Variants in SCAF8 observed in about 807,000 individuals in gnomAD.
SCAF8 encodes SR-related CTD associated factor 8.
SCAF8 carries 23 observed loss-of-function variants against 140.5 expected under a neutral mutation model. The ratio of observed to expected loss-of-function variants is 0.16; its 90% confidence interval spans 0.12 to 0.23. SCAF8 has a LOEUF of 0.23. Among genes scored for constraint, SCAF8 ranks in the 10% least tolerant of loss-of-function variants. SCAF8 has a pLI of 1.00. For synonymous variants in SCAF8, 575 were observed against 528.9 expected (o/e 1.09, Z -1.20); for missense variants, 1,397 against 1,555.7 (o/e 0.90, Z 1.72).
intron 3 of SCAF8, among the ~76,000 whole-genome samples, chr6:154,783,298 C>A (rs72993434): frequency 0.017 from 2,547 of 152,180 alleles, 27 homozygotes; most frequent in Non-Finnish European, 0.023. Flanking sequence ...CGAATATTAT[C>A]ATTCAGAACT....
chr6:154,787,066 T>A (rs952780231), intron 3 of SCAF8, among the ~76,000 whole-genome samples: 8 of 152,146 alleles, frequency 5.3e-5, no homozygotes, highest in Non-Finnish European at 1.0e-4. Context: ...GTTGAGAAAG[T>A]AGGGGAGGCA....
chr6:154,784,150 T>C (rs1562444210), intron 3 of SCAF8, among the ~76,000 whole-genome samples: 1 of 125,628 alleles, frequency 8.0e-6, no homozygotes, highest in Non-Finnish European at 1.7e-5. Context: ...TATATATATA[T>C]ATATATATTT....
chr6:154,753,351 C>A (rs1378320777), intron 1 of SCAF8, among the ~76,000 whole-genome samples: 1 of 152,156 alleles, frequency 6.6e-6, no homozygotes, highest in East Asian at 1.9e-4. Flanking sequence ...CCTGTAATCC[C>A]AGTTACTCGG....
At chr6:154,774,452 A>G (rs949644948) in intron 2 of SCAF8, among the ~76,000 whole-genome samples, 1 of 152,072 alleles carries the variant, frequency 6.6e-6, no homozygotes, top group African/African-American at 2.4e-5. Flanking sequence ...TGAAGCAGTC[A>G]TTTTTCCTCA....
chr6:154,797,222 C>G (rs1777633770), intron 6 of SCAF8, among the ~76,000 whole-genome samples: 2 of 151,108 alleles, frequency 1.3e-5, no homozygotes, highest in South Asian at 4.2e-4. Context: ...GTTTTTTGCT[C>G]TAAATTTAGG....
At chr6:154,769,896 C>T (rs924029915) in intron 1 of SCAF8, among the ~76,000 whole-genome samples, 1 of 152,102 alleles carries the variant, frequency 6.6e-6, no homozygotes, top group Non-Finnish European at 1.5e-5. Flanking sequence ...ACCTTATTCT[C>T]CAGTACGAGA....
intron 14 of SCAF8, among the ~76,000 whole-genome samples, chr6:154,819,146 T>A (rs912851297): frequency 6.6e-6 from 1 of 152,192 alleles, no homozygotes; most frequent in Non-Finnish European, 1.5e-5. Flanking sequence ...TTATTTGAAG[T>A]TTATTTATCT....
At chr6:154,762,448 G>A (rs1216566612) in intron 1 of SCAF8, among the ~76,000 whole-genome samples, 2 of 152,094 alleles carry the variant, frequency 1.3e-5, no homozygotes, top group Non-Finnish European at 2.9e-5. Flanking sequence ...TCATGTCCTA[G>A]TAGCCATTGG....
intron 1 of SCAF8, among the ~76,000 whole-genome samples, chr6:154,772,556 G>A (rs1247085727): frequency 1.3e-5 from 2 of 152,204 alleles, no homozygotes; most frequent in South Asian, 2.1e-4. Flanking sequence ...CCATGTGGTG[G>A]CGTGTGCCTG....
At chr6:154,789,034 G>A (rs1405317874) in intron 4 of SCAF8, among the ~76,000 whole-genome samples, 1 of 152,146 alleles carries the variant, frequency 6.6e-6, no homozygotes, top group African/African-American at 2.4e-5. Flanking sequence ...ACAAGATTAA[G>A]TAGTTATTTT....
chr6:154,772,324 G>T (rs7752180), intron 1 of SCAF8, among the ~76,000 whole-genome samples: 75,409 of 152,032 alleles, frequency 0.5, 19,439 homozygotes, highest in East Asian at 0.9. Flanking sequence ...ATCAGTAATT[G>T]TCTGTTGCCT....
intron 17 of SCAF8, among the ~76,000 whole-genome samples, chr6:154,825,864 G>T (rs983579911): frequency 2.0e-5 from 3 of 151,962 alleles, no homozygotes; most frequent in Non-Finnish European, 4.4e-5. Context: ...ATATTGATGA[G>T]ATACGCATTT....
intron 14 of SCAF8, among the ~76,000 whole-genome samples, chr6:154,819,520 A>C (rs1303418403): frequency 1.3e-5 from 2 of 152,174 alleles, no homozygotes; most frequent in Admixed American, 6.5e-5. Context: ...GAGCCCATGA[A>C]GTCAAGGCTG....
rs796424209 is a variant in SCAF8, at chr6:154,819,730, A to T, written c.1636-447A>T. 9.8e-5 allele frequency among the ~76,000 whole-genome samples: 15 copies of T among 152,352 alleles called. 1 individual carries two copies. The South Asian group carries it at 3.1e-3, about 32-fold the overall frequency. On this transcript the variant is annotated intron_variant, in intron 14 of 19. Transcript: ENST00000367178. ...GAAGTGGAAATCCTTTATTGTAAAT[A>T]CTATGTCTAATGTAAGTTTTATTTT...
At chr6:154,826,783 CATAAT>C (rs1338479704) in intron 17 of SCAF8, among the ~76,000 whole-genome samples, 4 of 152,066 alleles carry the variant, frequency 2.6e-5, no homozygotes, top group African/African-American at 4.8e-5. Context: ...GTGCTTAAAA[CATAAT>C]ATAGTGTTAT....
At chr6:154,743,974 C>T (rs2114796190) in intron 1 of SCAF8, among the ~76,000 whole-genome samples, 1 of 152,282 alleles carries the variant, frequency 6.6e-6, no homozygotes, top group Middle Eastern at 3.4e-3. Context: ...TTTTGAAGTA[C>T]TTTTAATTTA....
chr6:154,770,292 A>G (rs940364569), intron 1 of SCAF8, among the ~76,000 whole-genome samples: 1 of 151,892 alleles, frequency 6.6e-6, no homozygotes. Flanking sequence ...CGTCTTTACA[A>G]AAAAAGAAAA....
intron 4 of SCAF8, among the ~76,000 whole-genome samples, chr6:154,789,687 A>T (rs966084556): frequency 2.6e-5 from 4 of 151,802 alleles, no homozygotes; most frequent in Non-Finnish European, 4.4e-5. Flanking sequence ...CTGGGACTAC[A>T]GGCTTATGCC....
intron 5 of SCAF8, among the ~76,000 whole-genome samples, chr6:154,794,515 T>G (rs537094915): frequency 6.6e-6 from 1 of 152,206 alleles, no homozygotes; most frequent in South Asian, 2.1e-4. Context: ...TCACATAACT[T>G]TTTTCACAGT....
Sources: allele counts gnomAD v4.1 joint callset (sites outside exome capture counted in the v4.1 genomes callset), GRCh38; gene constraint gnomAD v4.1.1; transcripts MANE v1.5; gene names NCBI Gene and HGNC (gene_info 2026-07-23, HGNC 2026-07-21).